The following RAP1GAP variants were observed in gnomAD, a reference collection of about 807,000 sequenced individuals.
RAP1GAP encodes the protein rap1 GTPase-activating protein 1.
A neutral mutation model predicts 87.2 loss-of-function variants in RAP1GAP; 35 were observed. That is an observed-to-expected ratio of 0.40 (90% CI 0.31 to 0.53). The LOEUF (loss-of-function observed/expected upper bound fraction) is 0.53, where lower values mean the gene tolerates loss of function less well. Among genes scored for constraint, RAP1GAP ranks in the 20% least tolerant of loss-of-function variants. The pLI is 0.48. For synonymous variants in RAP1GAP, 375 were observed against 363.9 expected, an observed-to-expected ratio of 1.03 and a Z score of -0.35; for missense variants, 734 against 898.9, an observed-to-expected ratio of 0.82 and a Z score of 2.35.
chr1:21,627,838 A>G (rs111436784), intron 2 of RAP1GAP, among the ~76,000 whole-genome samples: 1 of 152,144 alleles, frequency 6.6e-6, no homozygotes, highest in African/African-American at 2.4e-5. Flanking sequence ...ATGGCATCTT[A>G]CAAGAGGGGT....
At chr1:21,643,556 CAAAAA>C (rs58359978) in intron 2 of RAP1GAP, among the ~76,000 whole-genome samples, 11 of 66,480 alleles carry the variant, frequency 1.7e-4, no homozygotes, top group Non-Finnish European at 2.4e-4. Flanking sequence ...GACTCCGTCT[CAAAAA>C]AAAAAAAAAA....
intron 1 of RAP1GAP, among the ~76,000 whole-genome samples, chr1:21,665,857 TCATCA>T (rs2097326930): frequency 6.6e-6 from 1 of 152,052 alleles, no homozygotes; most frequent in Non-Finnish European, 1.5e-5. Flanking sequence ...CTGCAGGAAG[TCATCA>T]GCCTGGGGCC....
chr1:21,617,575 C>CACGACAGAAGCGGCTCCAG, intron 6 of RAP1GAP, 84 bp from the exon 7 acceptor site: 1 of 1,437,788 alleles, frequency 7.0e-7, no homozygotes, highest in Non-Finnish European at 9.4e-7. Flanking sequence ...GACCTGGAGC[C>CACGACAGAAGCGGCTCCAG]GCTTCTGTCG....
intron 1 of RAP1GAP, among the ~76,000 whole-genome samples, chr1:21,655,840 C>A (rs540414987): frequency 6.6e-6 from 1 of 152,332 alleles, no homozygotes; most frequent in South Asian, 2.1e-4. Context: ...CTCCAGCTCC[C>A]CCTTTCCAGG....
intron 5 of RAP1GAP, among the ~76,000 whole-genome samples, chr1:21,618,583 TC>T (rs1421839219): frequency 3.3e-5 from 5 of 150,012 alleles, no homozygotes; most frequent in African/African-American, 1.2e-4. Context: ...TCCCTCCCCA[TC>T]CAGACAGCAG....
At chr1:21,655,222 T>G (rs1013765431) in intron 1 of RAP1GAP, among the ~76,000 whole-genome samples, 2 of 152,178 alleles carry the variant, frequency 1.3e-5, no homozygotes, top group African/African-American at 4.8e-5. Flanking sequence ...AGTTGCCATT[T>G]TTGTAGGGCT....
chr1:21,597,893 C>A (rs1646066579), intron 23 of RAP1GAP, 68 bp downstream of exon 23: 1 of 1,507,264 alleles, frequency 6.6e-7, no homozygotes, highest in African/African-American at 1.4e-5. Flanking sequence ...CAGCTCCCAG[C>A]CTCCCCGCCA....
At chr1:21,629,270 C>A (rs542870022) in intron 2 of RAP1GAP, among the ~76,000 whole-genome samples, 1 of 152,130 alleles carries the variant, frequency 6.6e-6, no homozygotes, top group Non-Finnish European at 1.5e-5. Flanking sequence ...TGCCCAGTGG[C>A]GGCTGTTGCT....
At chr1:21,608,764 TG>T (rs2076405739) in intron 16 of RAP1GAP, 85 bp downstream of exon 16, 3 of 1,374,790 alleles carry the variant, frequency 2.2e-6, no homozygotes, top group Non-Finnish European at 3.1e-6. Context: ...GGTCTGAACA[TG>T]GCTTTTCCCT....
At position 21,612,058 on chromosome 1, in the gene RAP1GAP, T is replaced by C; in HGVS notation, c.580A>G (p.Lys194Glu). ...AGCTTCTGATAAATGACGCCAAACTTGAAGTTATTGCTGATGACATGCTCG... is the reference window on the plus strand; with the variant it reads ...AGCTTCTGATAAATGACGCCAAACTCGAAGTTATTGCTGATGACATGCTCG... ...FDEHVISNNF[K>E]FGVIYQKLGQ... Residue 194 changes from lysine to glutamate, a missense_variant, in exon 11 of 25, where the codon AAG (lysine) becomes GAG (glutamate). This residue lies in a region of RAP1GAP where 485 missense variants were observed against 646.2 expected (regional missense o/e 0.75). Coordinates refer to ENST00000374765, the MANE Select transcript of RAP1GAP (RefSeq NM_002885.4). 6.4e-7 allele frequency: 1 copy of C among 1,554,676 alleles called. No homozygotes were observed.
At chr1:21,616,529 C>G (rs949661875) in intron 7 of RAP1GAP, among the ~76,000 whole-genome samples, 2 of 152,238 alleles carry the variant, frequency 1.3e-5, no homozygotes, top group African/African-American at 4.8e-5. Context: ...GATTCCCACA[C>G]ATGCCACGAG....
chr1:21,667,077 G>A (rs1397424892), intron 1 of RAP1GAP, among the ~76,000 whole-genome samples: 1 of 152,196 alleles, frequency 6.6e-6, no homozygotes. Context: ...GTGTCTGGCC[G>A]TGCTCAGGTC....
chr1:21,648,822 G>A (rs1416268736), intron 2 of RAP1GAP, among the ~76,000 whole-genome samples: 1 of 152,202 alleles, frequency 6.6e-6, no homozygotes, highest in Non-Finnish European at 1.5e-5. Context: ...GAGCATCAAA[G>A]GGAAATAGAA....
Position 21,610,215 on chromosome 1 carries a change from T to C in RAP1GAP, c.904A>G (p.Thr302Ala). 1 of 1,613,328 alleles carries C rather than the reference T, an allele frequency of 6.2e-7. No homozygotes were observed. Among genetic ancestry groups the C allele is most frequent in the Non-Finnish European group, 8.5e-7 (1 of 1,179,824 alleles). ...GCGATCATGTCGGGCACGAAAGGAG[T>C]GTTCTCATCCTGGAAGACCACAGCC... is the stretch of plus-strand genomic sequence containing the variant. ...IVAVVFQDEN[T>A]PFVPDMIASN... is the part of the protein sequence containing the mutation. Residue 302 changes from threonine (T) to alanine (A), a missense_variant, in exon 14 of 25, where the codon ACT (threonine) becomes GCT (alanine). By Grantham distance (58) the Thr-to-Ala change is moderately conservative. Transcript: ENST00000374765.
At chr1:21,636,738 T>C (rs72876067) in intron 2 of RAP1GAP, among the ~76,000 whole-genome samples, 38,403 of 151,178 alleles carry the variant, frequency 0.25, 5,865 homozygotes, top group African/African-American at 0.43. Context: ...ACCCGGGAGA[T>C]GGAGGTTGCA....
intron 23 of RAP1GAP, 38 bp from the exon 24 acceptor site, chr1:21,597,766 CG>C: frequency 6.2e-7 from 1 of 1,611,488 alleles, no homozygotes; most frequent in East Asian, 2.2e-5. Flanking sequence ...GGTGGCAAGA[CG>C]GGAGAAGCAA....
At chr1:21,651,958 G>T in intron 1 of RAP1GAP, 1 of 760,402 alleles carries the variant, frequency 1.3e-6, no homozygotes, top group Non-Finnish European at 1.6e-6. Flanking sequence ...GCGGGCCGCG[G>T]TCCAGCTGCC....
chr1:21,634,058 CGGGGG>C lies in RAP1GAP; in HGVS notation c.-112-7666_-112-7662del, dbSNP rs59476256. ...TGGCTGCCCCAGAACTGCCCCCTCC[CGGGGG>C]GGGGGGGGGGCCACAGAAGCCCATT... On this transcript the variant is annotated intron_variant, in intron 2 of 24. Transcript: ENST00000374765. The surrounding 1 kb of genome is among the most constrained non-coding windows in gnomAD (Gnocchi z 4.1). Among the ~76,000 whole-genome samples the C allele has an allele frequency of 7.1e-3, 1,012 of 143,180 alleles. 11 individuals carry two copies. Among genetic ancestry groups the C allele is most frequent in the African/African-American group, 9.8e-3 (361 of 36,692 alleles). The allele number at this position is 143,180 out of a possible 152,430, so 93.9% of individuals were successfully genotyped here.
chr1:21,649,947 C>T lies in RAP1GAP; in HGVS notation c.-148-151G>A, dbSNP rs989202889. Among the ~76,000 whole-genome samples, 3 of 152,100 alleles carry T rather than the reference C, an allele frequency of 2.0e-5. No individual in the cohort carries two copies. In the East Asian group the frequency reaches 5.8e-4, roughly 29 times the overall value. Reference sequence around the variant, plus strand: ...GATGCCTGATGCAGTCACTATCACCCTTAGGCTGCAGTCGCCTGACTGTCA... The same window carrying T: ...GATGCCTGATGCAGTCACTATCACCTTTAGGCTGCAGTCGCCTGACTGTCA... On this transcript the variant is annotated intron_variant, in intron 1 of 24. Coordinates refer to ENST00000374765, the MANE Select transcript of RAP1GAP (RefSeq NM_002885.4).
Sources: allele counts gnomAD v4.1 joint callset (sites outside exome capture counted in the v4.1 genomes callset), GRCh38; gene constraint gnomAD v4.1.1; regional missense constraint gnomAD v4.1.1; non-coding constraint Gnocchi (gnomAD v3.1); transcripts MANE v1.5; gene names NCBI Gene and HGNC (gene_info 2026-07-23, HGNC 2026-07-21).